Variants in GAS2 observed in about 807,000 individuals in gnomAD.
GAS2 encodes growth arrest-specific protein 2.
Under a neutral mutation model 37.5 loss-of-function variants are expected in GAS2, and 20 were observed. The observed-to-expected ratio is 0.53, with a 90% CI of 0.37 to 0.77. The LOEUF (loss-of-function observed/expected upper bound fraction) is 0.77, where lower values mean the gene tolerates loss of function less well. GAS2 is among the 30% of genes least tolerant of loss of function. GAS2 has a pLI of 0.00. For synonymous variants in GAS2, 144 were observed against 132.2 expected, an observed-to-expected ratio of 1.09 and a Z score of -0.61; for missense variants, 336 against 373.4, an observed-to-expected ratio of 0.90 and a Z score of 0.82.
intron 1 of GAS2, chr11:22,672,475 A>G (rs995684826): frequency 2.0e-5 from 3 of 152,172 alleles, no homozygotes; most frequent in Non-Finnish European, 4.4e-5. Flanking sequence ...CTATCCCTTG[A>G]TAAATTATTT....
chr11:22,661,461 G>A (rs886139564), intron 1 of GAS2, among the ~76,000 whole-genome samples: 1 of 152,126 alleles, frequency 6.6e-6, no homozygotes, highest in African/African-American at 2.4e-5. Flanking sequence ...TGAGATAGAT[G>A]CATAAACAAA....
intron 1 of GAS2, chr11:22,667,238 G>A (rs189888361): frequency 6.6e-6 from 1 of 152,304 alleles, no homozygotes; most frequent in East Asian, 1.9e-4. Flanking sequence ...ACAGAGTGAG[G>A]ATTTTTAATG....
chr11:22,682,840 A>G (rs917366713), intron 2 of GAS2, among the ~76,000 whole-genome samples: 1 of 132,288 alleles, frequency 7.6e-6, no homozygotes, highest in East Asian at 2.4e-4. Flanking sequence ...GCACCACTGC[A>G]CTCCAGCCTG....
chr11:22,693,290 C>G (rs943065798), intron 3 of GAS2, among the ~76,000 whole-genome samples: 1 of 152,132 alleles, frequency 6.6e-6, no homozygotes, highest in Non-Finnish European at 1.5e-5. Context: ...TTCCATTCTC[C>G]AAACCAAGAG....
chr11:22,711,726 G>T (rs1851415160), intron 3 of GAS2, among the ~76,000 whole-genome samples: 1 of 152,148 alleles, frequency 6.6e-6, no homozygotes, highest in Admixed American at 6.5e-5. Context: ...CCCTGTCACT[G>T]CCAGCTTTCC....
intron 2 of GAS2, among the ~76,000 whole-genome samples, chr11:22,683,393 G>A (rs566192385): frequency 4.9e-4 from 75 of 152,194 alleles, no homozygotes; most frequent in Non-Finnish European, 8.7e-4. Flanking sequence ...ATCCTCCCAA[G>A]TAGCTGGAAT....
At chr11:22,669,656 G>A (rs1028181315) in intron 1 of GAS2, among the ~76,000 whole-genome samples, 5 of 152,006 alleles carry the variant, frequency 3.3e-5, no homozygotes, top group African/African-American at 1.2e-4. Flanking sequence ...ATCCTCTTAG[G>A]CTACCAACCC....
At chr11:22,754,812 A>G (rs952737969) in intron 6 of GAS2, among the ~76,000 whole-genome samples, 1 of 152,158 alleles carries the variant, frequency 6.6e-6, no homozygotes, top group Non-Finnish European at 1.5e-5. Flanking sequence ...CTTTCATGAC[A>G]TAAATGGGGT....
chr11:22,754,891 A>G lies in GAS2; in HGVS notation c.616-955A>G, dbSNP rs547519888. On this transcript the variant is annotated intron_variant, in intron 6 of 7. Coordinates refer to ENST00000454584, the MANE Select transcript of GAS2 (RefSeq NM_001143830.3). The stretch of plus-strand genomic sequence containing the variant: ...CCAGGCCAATTTCTAAATTTGTTCT[A>G]TCTAGCTTCTAAATTCAGACTGCAC... Among the ~76,000 whole-genome samples the G allele has an allele frequency of 1.5e-3, 231 of 152,242 alleles. 4 individuals are homozygous for G. The highest frequency in any genetic ancestry group is 1.8e-4 in the Non-Finnish European group (12 of 67,990).
At chr11:22,655,011 A>G (rs1848839223) in intron 1 of GAS2, among the ~76,000 whole-genome samples, 1 of 152,186 alleles carries the variant, frequency 6.6e-6, no homozygotes, top group Non-Finnish European at 1.5e-5. Flanking sequence ...TTCCACCTTA[A>G]GTCCAAACGT....
At chr11:22,672,583 G>A (rs185880452) in intron 1 of GAS2, 1 of 152,150 alleles carries the variant, frequency 6.6e-6, no homozygotes, top group Non-Finnish European at 1.5e-5. Context: ...CACATAATAG[G>A]GTGTAGGTAA....
rs1849131925 is a variant in GAS2 at position 22,669,835 on chromosome 11, A to G, written c.-21+2936A>G. 2.0e-5 allele frequency among the ~76,000 whole-genome samples: 3 copies of G among 152,186 alleles called. No individual in the cohort carries two copies. In the South Asian group the frequency reaches 6.2e-4, roughly 31 times the overall value. ...CTACTGAACCCAAGGTGGAGGTCCC[A>G]TTACGAGGTCTGAAATTGCCTTTCT... On this transcript the variant is annotated intron_variant, in intron 1 of 7. Coordinates refer to ENST00000454584, the MANE Select transcript of GAS2 (RefSeq NM_001143830.3).
intron 1 of GAS2, among the ~76,000 whole-genome samples, chr11:22,637,255 ACT>A: frequency 8.6e-5 from 1 of 11,620 alleles, no homozygotes; most frequent in Non-Finnish European, 2.8e-4. Flanking sequence ...TTAATAGTAT[ACT>A]AATATATTAA....
intron 4 of GAS2, 111 bp from the exon 5 acceptor site, chr11:22,737,594 G>A: frequency 1.1e-6 from 1 of 939,218 alleles, no homozygotes; most frequent in Admixed American, 1.7e-5. Context: ...TCAGAATGAA[G>A]ACTAGATCCT....
chr11:22,735,657 T>C (rs2134213696), intron 4 of GAS2, among the ~76,000 whole-genome samples: 1 of 151,984 alleles, frequency 6.6e-6, no homozygotes, highest in Admixed American at 6.6e-5. Context: ...AGCACTCACA[T>C]TATTATTTTT....
chr11:22,752,256 C>G (rs1276135149), intron 6 of GAS2, among the ~76,000 whole-genome samples: 1 of 151,970 alleles, frequency 6.6e-6, no homozygotes, highest in Non-Finnish European at 1.5e-5. Flanking sequence ...AACCTGGAAT[C>G]TTCTAAACTT....
intron 1 of GAS2, among the ~76,000 whole-genome samples, chr11:22,670,462 A>G (rs970608914): frequency 1.3e-5 from 2 of 152,122 alleles, no homozygotes; most frequent in Non-Finnish European, 2.9e-5. Flanking sequence ...TCATTAATAC[A>G]TTTATTTGTT....
chr11:22,643,111 G>A (rs1489388390), intron 1 of GAS2, among the ~76,000 whole-genome samples: 1 of 151,776 alleles, frequency 6.6e-6, no homozygotes, highest in Non-Finnish European at 1.5e-5. Flanking sequence ...TGAATAATGG[G>A]AAAAGTATAA....
At chr11:22,752,582 G>A (rs2134310751) in intron 6 of GAS2, among the ~76,000 whole-genome samples, 1 of 151,920 alleles carries the variant, frequency 6.6e-6, no homozygotes, top group South Asian at 2.1e-4. Flanking sequence ...CAGAGTTTCT[G>A]CGTTTAGTTA....
Sources: gnomAD v4.1 joint callset for allele counts (sites outside exome capture counted in the v4.1 genomes callset) on GRCh38, gnomAD v4.1.1 for gene constraint, MANE v1.5 for transcripts, NCBI Gene and HGNC (gene_info 2026-07-23, HGNC 2026-07-21) for gene names.